Variants in HAUS1 observed in about 807,000 individuals in gnomAD.
HAUS1 encodes HAUS augmin like complex subunit 1, also known as HAUS augmin-like complex subunit 1.
A neutral mutation model predicts 38.6 loss-of-function variants in HAUS1; 25 were observed. That is an observed-to-expected ratio of 0.65 (90% CI 0.47 to 0.91). The LOEUF is 0.91. Ranked by LOEUF, HAUS1 falls within the 40% of genes least tolerant of loss-of-function variation. The pLI is 0.00. For missense variants in HAUS1, 325 were observed against 328.4 expected (o/e 0.99, Z 0.08); for synonymous variants, 109 against 112.9 (o/e 0.97, Z 0.22).
Position 46,106,349 on chromosome 18 carries a change from G to T in HAUS1, c.205+981G>T, listed in dbSNP as rs147417674. On this transcript the variant is annotated intron_variant, in intron 2 of 8. Coordinates refer to ENST00000282058, the MANE Select transcript of HAUS1 (RefSeq NM_138443.4). ...CCGGGCGTGGTGGCGGGCGCCTGTA[G>T]TTCCAGCTGCTCGGAAGGCTGAGGC... 6.2e-3 allele frequency among the ~76,000 whole-genome samples: 946 copies of T among 152,128 alleles called. 10 individuals carry two copies. The highest frequency in any genetic ancestry group is 0.022 in the African/African-American group (905 of 41,522).
intron 4 of HAUS1, 93 bp downstream of exon 4, chr18:46,120,153 A>G: frequency 1.2e-6 from 1 of 808,280 alleles, no homozygotes; most frequent in Admixed American, 3.0e-5. Flanking sequence ...GTGATTTTAA[A>G]AACATTAGGA....
intron 2 of HAUS1, 111 bp downstream of exon 2, chr18:46,105,479 T>G: frequency 1.2e-6 from 1 of 843,308 alleles, no homozygotes; most frequent in East Asian, 2.7e-5. Context: ...GCTCCTTTAT[T>G]TTTCCCAGAT....
chr18:46,105,429 T>A, intron 2 of HAUS1, 61 bp downstream of exon 2: 1 of 1,393,068 alleles, frequency 7.2e-7, no homozygotes, highest in Non-Finnish European at 9.9e-7. Context: ...TTTATAACAC[T>A]AAAGTATACA....
At chr18:46,110,333 G>GTTTT (rs71160713) in intron 2 of HAUS1, among the ~76,000 whole-genome samples, 7,574 of 49,930 alleles carry the variant, frequency 0.15, 1,514 homozygotes, top group Middle Eastern at 0.26. Flanking sequence ...TTTTTTTAAG[G>GTTTT]TTTTTTTTTT....
chr18:46,127,305 GA>G (rs1912136384), intron 8 of HAUS1, among the ~76,000 whole-genome samples: 1 of 152,082 alleles, frequency 6.6e-6, no homozygotes, highest in African/African-American at 2.4e-5. Flanking sequence ...TAGTGCTTCA[GA>G]AGATTATTCT....
intron 5 of HAUS1, 92 bp from the exon 6 acceptor site, chr18:46,123,207 T>A: frequency 1.2e-6 from 1 of 861,066 alleles, no homozygotes; most frequent in Non-Finnish European, 1.9e-6. Context: ...CAAGACTCGG[T>A]CTCAAAAAAA....
chr18:46,118,554 G>C, intron 3 of HAUS1: 1 of 454,520 alleles, frequency 2.2e-6, no homozygotes. Flanking sequence ...ATGTATATTT[G>C]GAAAGGGGTT....
intron 6 of HAUS1, among the ~76,000 whole-genome samples, chr18:46,123,957 T>C (rs556935795): frequency 2.5e-4 from 38 of 152,200 alleles, no homozygotes; most frequent in African/African-American, 8.9e-4. Flanking sequence ...CCCAAGCTGG[T>C]CTCAAACTCC....
At chr18:46,117,407 T>A (rs1911822632) in intron 2 of HAUS1, among the ~76,000 whole-genome samples, 1 of 152,210 alleles carries the variant, frequency 6.6e-6, no homozygotes, top group Non-Finnish European at 1.5e-5. Flanking sequence ...TTGAAACTAT[T>A]GTGAGAGAAG....
chr18:46,108,156 A>T (rs2144244646), intron 2 of HAUS1, among the ~76,000 whole-genome samples: 1 of 151,596 alleles, frequency 6.6e-6, no homozygotes, highest in East Asian at 1.9e-4. Flanking sequence ...GCAAATACAG[A>T]CTCCTTGTCT....
chr18:46,115,391 A>G (rs1434184392), intron 2 of HAUS1, among the ~76,000 whole-genome samples: 88 of 151,498 alleles, frequency 5.8e-4, no homozygotes, highest in Admixed American at 1.4e-3. Flanking sequence ...CCTGGGAGGC[A>G]GAGGTTGCAG....
intron 2 of HAUS1, 106 bp from the exon 3 acceptor site, chr18:46,118,075 T>TAC: frequency 9.6e-7 from 1 of 1,038,368 alleles, no homozygotes; most frequent in Non-Finnish European, 1.5e-6. Context: ...ATTACATACA[T>TAC]ACCTTAGGTG....
chr18:46,115,030 T>A (rs769490706), intron 2 of HAUS1: 1 of 152,204 alleles, frequency 6.6e-6, no homozygotes, highest in Admixed American at 6.5e-5. Context: ...TCCTGGTCAA[T>A]TGAATTTTGA....
chr18:46,122,667 T>G (rs1911977488), intron 5 of HAUS1, 77 bp downstream of exon 5: 2 of 1,525,642 alleles, frequency 1.3e-6, no homozygotes, highest in East Asian at 2.3e-5. Context: ...TAGGCATTAT[T>G]ATTCCCTTTT....
intron 7 of HAUS1, among the ~76,000 whole-genome samples, chr18:46,125,462 G>A (rs189572282): frequency 6.0e-4 from 91 of 151,008 alleles, no homozygotes; most frequent in African/African-American, 2.2e-3. Context: ...CAGGAGAATC[G>A]CTTGAACCCA....
chr18:46,107,420 A>T (rs1911507871), intron 2 of HAUS1, among the ~76,000 whole-genome samples: 1 of 152,222 alleles, frequency 6.6e-6, no homozygotes. Flanking sequence ...AGGGTGATAC[A>T]TATTAAATAA....
At chr18:46,113,051 A>ATTATATATATAATATATATATTCC (rs1911712489) in intron 2 of HAUS1, among the ~76,000 whole-genome samples, 1 of 134,072 alleles carries the variant, frequency 7.5e-6, no homozygotes, top group African/African-American at 2.9e-5. Context: ...TATATTCCAT[A>ATTATATATATAATATATATATTCC]TTATATATAT....
At chr18:46,114,649 A>G (rs1911755803) in intron 2 of HAUS1, among the ~76,000 whole-genome samples, 2 of 152,168 alleles carry the variant, frequency 1.3e-5, no homozygotes, top group Admixed American at 6.6e-5. Context: ...ACGCAGTAGC[A>G]GATAGCTAGT....
Position 46,120,068 on chromosome 18 carries a change from A to C in HAUS1, c.476+8A>C. 6.3e-7 allele frequency: 1 copy of C among 1,581,086 alleles called. No individual in the cohort carries two copies. Among genetic ancestry groups the C allele is most frequent in the Non-Finnish European group, 8.6e-7 (1 of 1,160,124 alleles). On this transcript the variant is annotated splice_region_variant and intron_variant, in intron 4 of 8. Coordinates refer to ENST00000282058, the MANE Select transcript of HAUS1 (RefSeq NM_138443.4). ...AGAAAAATGTCTACAAGAGTAAGTAATTGAGTTCAGAGTGGTGACAATTTA... is the reference window on the plus strand; with the variant it reads ...AGAAAAATGTCTACAAGAGTAAGTACTTGAGTTCAGAGTGGTGACAATTTA...
Sources: gnomAD v4.1 joint callset for allele counts (sites outside exome capture counted in the v4.1 genomes callset) on GRCh38, gnomAD v4.1.1 for gene constraint, MANE v1.5 for transcripts, NCBI Gene and HGNC (gene_info 2026-07-23, HGNC 2026-07-21) for gene names.